LLGL1: variants seen among roughly 807,000 people sequenced by gnomAD.
The protein encoded by LLGL1 is lethal(2) giant larvae protein homolog 1.
A neutral mutation model predicts 110.6 loss-of-function variants in LLGL1; 58 were observed. The observed-to-expected ratio is 0.52, with a 90% confidence interval of 0.42 to 0.65. The LOEUF is 0.65. Among genes scored for constraint, LLGL1 ranks in the 30% least tolerant of loss-of-function variants. The probability of loss-of-function intolerance (pLI) is 0.00; values close to 1 mark genes in which losing one functional copy is unlikely to be tolerated. For synonymous variants in LLGL1, 674 were observed against 607.2 expected (o/e 1.11, Z -1.62); for missense variants, 1,229 against 1,462.1 (o/e 0.84, Z 2.60).
At chr17:18,228,007 G>A (rs983418387) in intron 1 of LLGL1, among the ~76,000 whole-genome samples, 1 of 152,160 alleles carries the variant, frequency 6.6e-6, no homozygotes, top group Non-Finnish European at 1.5e-5. Context: ...CCCACACATC[G>A]CCTGTGGAAT....
Position 18,240,891 on chromosome 17 carries a change from G to C in LLGL1, c.2502+18G>C. 1.3e-6 allele frequency: 2 copies of C among 1,500,418 alleles called. No homozygotes were observed. Among genetic ancestry groups the C allele is most frequent in the Non-Finnish European group, 1.8e-6 (2 of 1,115,226 alleles). 92.9% of individuals were successfully genotyped at this position (1,500,418 alleles called of 1,614,324 possible). ...AGTTCAAGGTGAGCCACTGTGGGCT[G>C]TGGGGGACTCTGGGGGACTCCCCTC... On this transcript the variant is annotated intron_variant, in intron 17 of 22. Transcript: ENST00000316843. This position sits in a 1 kb window ranked among gnomAD's most constrained non-coding sequence, Gnocchi z 5.3.
At position 18,244,736 on chromosome 17, in the gene LLGL1, A is replaced by AGGGGGGGGGGGGGGGGT. The variant is rs1567700333; in HGVS notation, c.*840_*841insGGGGGGTGGGGGGGGGG. The AGGGGGGGGGGGGGGGGT allele has an allele frequency of 9.8e-5, 1 of 10,212 alleles. No individual in the cohort carries two copies. The highest frequency in any genetic ancestry group is 1.9e-4 in the Non-Finnish European group (1 of 5,172). The allele number at this position is 10,212 out of a possible 1,614,324, so 0.6% of individuals were successfully genotyped here. A position where few individuals can be genotyped will look rare whatever the true frequency, so the allele number is the denominator to read the frequency against. ...TGTGTGTCCGGCGGGGGGGGGGGGCAGGGGGGGGGGTCAAGATGAGTTTCC... is the reference window on the plus strand; with the variant it reads ...TGTGTGTCCGGCGGGGGGGGGGGGCAGGGGGGGGGGGGGGGGTGGGGGGGGGGTCAAGATGAGTTTCC... On this transcript the variant is annotated 3_prime_UTR_variant, in exon 23 of 23. Coordinates refer to ENST00000316843, the MANE Select transcript of LLGL1 (RefSeq NM_004140.4).
At chr17:18,243,429 T>TA (rs1439915649) in intron 22 of LLGL1, among the ~76,000 whole-genome samples, 2 of 152,210 alleles carry the variant, frequency 1.3e-5, no homozygotes, top group Non-Finnish European at 1.5e-5. Flanking sequence ...TTAAACCACT[T>TA]AGAGGTGGCA....
rs199514645 is a variant in LLGL1 at position 18,232,829 on chromosome 17, C to T, written c.392+27C>T. ...TACTGGAGAACTTGGCTGGGGCCAG[C>T]CACCGGGCAGGGAGGATCTGGGGGA... On this transcript the variant is annotated intron_variant, in intron 4 of 22. Transcript: ENST00000316843. 59 of 1,613,138 alleles carry T rather than the reference C, an allele frequency of 3.7e-5. No individual in the cohort carries two copies. In the African/African-American group the frequency reaches 6.5e-4, roughly 18 times the overall value.
intron 17 of LLGL1, chr17:18,241,152 C>T (rs563891127): frequency 1.7e-6 from 1 of 586,802 alleles, no homozygotes; most frequent in East Asian, 2.8e-5. Context: ...ACCCCTGAGC[C>T]CAGTCCCCAG....
intron 1 of LLGL1, among the ~76,000 whole-genome samples, chr17:18,229,560 G>C (rs994073721): frequency 6.6e-6 from 1 of 152,132 alleles, no homozygotes; most frequent in Non-Finnish European, 1.5e-5. Context: ...GCCCTTCATG[G>C]AGCAGGTGGG....
intron 18 of LLGL1, 81 bp downstream of exon 18, chr17:18,241,796 G>A (rs1178230669): frequency 2.5e-6 from 4 of 1,607,752 alleles, no homozygotes; most frequent in Non-Finnish European, 3.4e-6. Context: ...AGCAGGAAGG[G>A]CACTCCAGGT....
rs2047589087 is a variant in LLGL1, at chr17:18,232,400, A to G, written c.180-95A>G. The G allele has an allele frequency of 4.4e-6, 5 of 1,131,748 alleles. No individual in the cohort carries two copies. In the South Asian group the frequency reaches 4.5e-5, roughly 10 times the overall value. The allele number at this position is 1,131,748 out of a possible 1,614,324, so 70.1% of individuals were successfully genotyped here. ...GATGGTCAGGCCCATGCCGGGGCCC[A>G]CTGGAATAGTCCGGGTCAAGGAGGA... On this transcript the variant is annotated intron_variant, in intron 2 of 22. Transcript: ENST00000316843.
Position 18,240,764 on chromosome 17 carries a change from G to T in LLGL1, c.2393G>T (p.Gly798Val). The T allele has an allele frequency of 6.2e-7, 1 of 1,608,592 alleles. No homozygotes were observed. The highest frequency in any genetic ancestry group is 8.5e-7 in the Non-Finnish European group (1 of 1,177,610). ...GTGGTGGCCATTGCCGTGTTGGACGGGCGTGGCCGCCCACTGCCCGAGCCC... is the reference window on the plus strand; with the variant it reads ...GTGGTGGCCATTGCCGTGTTGGACGTGCGTGGCCGCCCACTGCCCGAGCCC... ...APVVAIAVLD[G>V]RGRPLPEPYE... Residue 798 changes from glycine (G) to valine (V), a missense_variant, in exon 17 of 23, where the codon GGG (glycine) becomes GTG (valine). Coordinates refer to ENST00000316843, the MANE Select transcript of LLGL1 (RefSeq NM_004140.4). This position sits in a 1 kb window ranked among gnomAD's most constrained non-coding sequence, Gnocchi z 5.3.
chr17:18,239,442 A>G (rs982585599), intron 16 of LLGL1, among the ~76,000 whole-genome samples: 1 of 152,016 alleles, frequency 6.6e-6, no homozygotes, highest in African/African-American at 2.4e-5. Context: ...TGTCCCACAT[A>G]CCTCACATGC....
intron 7 of LLGL1, 85 bp downstream of exon 7, chr17:18,234,493 C>A: frequency 6.3e-7 from 1 of 1,584,910 alleles, no homozygotes; most frequent in Non-Finnish European, 8.6e-7. Flanking sequence ...GGAGGGACTT[C>A]CCCGAGGGGG....
chr17:18,242,518 G>A lies in LLGL1; in HGVS notation c.3006G>A (p.Glu1002=). The change falls in exon 21 of 23, where the codon GAG becomes GAA. Residue 1002 remains glutamate, a synonymous_variant. Transcript: ENST00000316843. ...ACTTGCTCCCTGTAGACACCCCGGA[G>A]CCACCCGAGGCTGCACTCTCACCCA... The part of the protein sequence containing the change: ...PAHSMGPDTP[E]PPEAALSPMS... 4 of 1,614,040 alleles carry A rather than the reference G, an allele frequency of 2.5e-6. No individual in the cohort carries two copies. Among genetic ancestry groups the A allele is most frequent in the African/African-American group, 1.3e-5 (1 of 75,038 alleles).
intron 7 of LLGL1, 31 bp downstream of exon 7, chr17:18,234,439 TGGTGATGGGA>T: frequency 1.9e-6 from 3 of 1,605,062 alleles, no homozygotes; most frequent in Non-Finnish European, 1.7e-6. Flanking sequence ...AGCCAGAGGG[TGGTGATGGGA>T]GGGGGCACCA....
chr17:18,235,423 G>C (rs368489126), intron 10 of LLGL1, 47 bp from the exon 11 acceptor site: 91 of 1,611,398 alleles, frequency 5.6e-5, no homozygotes, highest in Non-Finnish European at 3.9e-5. Context: ...AGAGGGAGAA[G>C]ATGTTCGTCC....
At position 18,232,481 on chromosome 17, in the gene LLGL1, C is replaced by A; in HGVS notation, c.180-14C>A. ...TGGTCTATGCCTATTTCCACCTTGA[C>A]CTGCCACCCTCAGCTATGGTGCACC... On this transcript the variant is annotated splice_polypyrimidine_tract_variant and intron_variant, in intron 2 of 22. Transcript: ENST00000316843. The A allele has an allele frequency of 6.2e-7, 1 of 1,611,518 alleles. No homozygotes were observed. The highest frequency in any genetic ancestry group is 8.5e-7 in the Non-Finnish European group (1 of 1,178,286).
At chr17:18,243,105 G>A (rs1349345876) in intron 22 of LLGL1, among the ~76,000 whole-genome samples, 1 of 151,870 alleles carries the variant, frequency 6.6e-6, no homozygotes, top group African/African-American at 2.4e-5. Flanking sequence ...GTTTTGTTTT[G>A]TTTTGTTTTG....
rs775045286 is a variant in LLGL1 at position 18,241,962 on chromosome 17, C to T, written c.2845C>T (p.Leu949=). ...ARNITEPLCS[L]DINWPRDATQ... is the part of the protein sequence containing the mutation. Reference sequence around the variant, plus strand: ...GAACATCACAGAGCCGCTCTGCTCTCTGGACATTAACTGGCCCCGCGATGC... The same window carrying T: ...GAACATCACAGAGCCGCTCTGCTCTTTGGACATTAACTGGCCCCGCGATGC... The change falls in exon 19 of 23, where the codon CTG becomes TTG. Residue 949 remains leucine, a synonymous_variant. Coordinates refer to ENST00000316843, the MANE Select transcript of LLGL1 (RefSeq NM_004140.4). 1.2e-6 allele frequency: 2 copies of T among 1,614,048 alleles called. No individual in the cohort carries two copies. The highest frequency in any genetic ancestry group is 1.7e-6 in the Non-Finnish European group (2 of 1,179,996).
At chr17:18,233,970 T>C (rs1305325054) in intron 5 of LLGL1, 34 bp downstream of exon 5, 2 of 1,599,198 alleles carry the variant, frequency 1.3e-6, no homozygotes, top group Admixed American at 3.4e-5. Flanking sequence ...GCACCCACTG[T>C]GTGCCCGGGA....
rs1477620912 is a variant in LLGL1 at position 18,240,286 on chromosome 17, G to C, written c.2207-292G>C. Among the ~76,000 whole-genome samples, 4 of 152,102 alleles carry C rather than the reference G, an allele frequency of 2.6e-5. No individual in the cohort carries two copies. The highest frequency in any genetic ancestry group is 5.9e-5 in the Non-Finnish European group (4 of 68,016). Reference sequence around the variant, plus strand: ...GGGATGGGGCTGGAGGTCTGGTTTGGGTGCCCATCAGCATTCTGTGCAGAT... The same window carrying C: ...GGGATGGGGCTGGAGGTCTGGTTTGCGTGCCCATCAGCATTCTGTGCAGAT... On this transcript the variant is annotated intron_variant, in intron 16 of 22. Transcript: ENST00000316843. This position sits in a 1 kb window ranked among gnomAD's most constrained non-coding sequence, Gnocchi z 5.3.
Sources: gnomAD v4.1 joint callset for allele counts (sites outside exome capture counted in the v4.1 genomes callset) on GRCh38, gnomAD v4.1.1 for gene constraint, Gnocchi (gnomAD v3.1) non-coding constraint, MANE v1.5 for transcripts, NCBI Gene and HGNC (gene_info 2026-07-23, HGNC 2026-07-21) for gene names.